Variants in TRIM37 observed in about 807,000 individuals in gnomAD.
TRIM37 encodes E3 ubiquitin-protein ligase TRIM37.
A neutral mutation model predicts 129.8 loss-of-function variants in TRIM37; 80 were observed. That is an observed-to-expected ratio of 0.62 (90% CI 0.51 to 0.74). TRIM37 has a LOEUF of 0.74. TRIM37 is among the 30% of genes least tolerant of loss of function. The pLI, the probability that TRIM37 is intolerant of heterozygous loss-of-function variation, is 0.00. For synonymous variants in TRIM37, 389 were observed against 387.1 expected (o/e 1.00, Z -0.06); for missense variants, 1,054 against 1,176.5 (o/e 0.90, Z 1.52).
intron 22 of TRIM37, 132 bp downstream of exon 22, chr17:59,012,196 C>A: frequency 1.9e-6 from 1 of 515,556 alleles, no homozygotes; most frequent in Non-Finnish European, 3.3e-6. Context: ...CCAACCACTC[C>A]CTATCCCTAT....
chr17:59,012,516 C>G, intron 21 of TRIM37, 70 bp from the exon 22 acceptor site: 3 of 1,096,756 alleles, frequency 2.7e-6, no homozygotes, highest in Non-Finnish European at 2.8e-6. Context: ...TCTTTTTGAA[C>G]TGAGCACCAA....
chr17:59,036,860 C>T (rs1273358779), intron 17 of TRIM37, among the ~76,000 whole-genome samples: 1 of 152,022 alleles, frequency 6.6e-6, no homozygotes, highest in African/African-American at 2.4e-5. Context: ...CATCTGTAAT[C>T]CCAGCACTTT....
downstream of TRIM37, among the ~76,000 whole-genome samples, chr17:58,979,399 A>C (rs527941214): frequency 6.6e-6 from 1 of 152,312 alleles, no homozygotes; most frequent in African/African-American, 2.4e-5. Context: ...CTCCTGGCTT[A>C]AGGGAGTTAG....
At chr17:59,029,438 C>G (rs2037594666) in intron 18 of TRIM37, among the ~76,000 whole-genome samples, 1 of 152,156 alleles carries the variant, frequency 6.6e-6, no homozygotes. Context: ...ATGGACCCAA[C>G]ATGACTCTAG....
chr17:59,099,358 T>C (rs1568257119), intron 2 of TRIM37, among the ~76,000 whole-genome samples: 1 of 152,124 alleles, frequency 6.6e-6, no homozygotes, highest in Non-Finnish European at 1.5e-5. Context: ...ATTTTTAATA[T>C]ACCTTTTCTA....
chr17:59,018,337 A>G (rs2036195773), intron 19 of TRIM37, among the ~76,000 whole-genome samples: 1 of 152,180 alleles, frequency 6.6e-6, no homozygotes, highest in Admixed American at 6.5e-5. Context: ...ACATTTTAAA[A>G]AAAGAATAAA....
chr17:59,077,635 C>A (rs1036963144), intron 7 of TRIM37, among the ~76,000 whole-genome samples: 4 of 151,530 alleles, frequency 2.6e-5, no homozygotes, highest in South Asian at 2.1e-4. Flanking sequence ...TATGGTAAAA[C>A]CCTGTCTCTA....
At chr17:58,994,819 G>A (rs941947152), downstream of TRIM37, among the ~76,000 whole-genome samples, 3 of 150,960 alleles carry the variant, frequency 2.0e-5, no homozygotes, top group Non-Finnish European at 2.9e-5. Flanking sequence ...GCACGATCTC[G>A]GCTCACTGCA....
At chr17:58,993,172 T>A (rs1049274742) in intron 24 of TRIM37, among the ~76,000 whole-genome samples, 1 of 152,192 alleles carries the variant, frequency 6.6e-6, no homozygotes, top group Non-Finnish European at 1.5e-5. Flanking sequence ...CCACATGAGA[T>A]GTGCCTTTTA....
At chr17:59,086,507 G>C (rs1437548247) in intron 4 of TRIM37, among the ~76,000 whole-genome samples, 1 of 152,060 alleles carries the variant, frequency 6.6e-6, no homozygotes. Flanking sequence ...CCAAAGTGCT[G>C]GGATTACAAG....
downstream of TRIM37, among the ~76,000 whole-genome samples, chr17:58,993,637 G>C (rs1486807009): frequency 6.6e-6 from 1 of 152,198 alleles, no homozygotes. Flanking sequence ...GTGGGGAAGG[G>C]GGGTGGTTAC....
chr17:59,042,442 AAAAAAAAATATATAT>A (rs1361482638), intron 16 of TRIM37, among the ~76,000 whole-genome samples: 551 of 47,314 alleles, frequency 0.012, 17 homozygotes, highest in Admixed American at 0.087. Context: ...AAAAAAAAAA[AAAAAAAAATATATAT>A]ATATATATAT....
chr17:59,077,045 C>A (rs894481140), intron 7 of TRIM37, among the ~76,000 whole-genome samples: 7 of 152,136 alleles, frequency 4.6e-5, no homozygotes, highest in African/African-American at 1.7e-4. Flanking sequence ...GCCTCGGCCT[C>A]CCAAAGTGCT....
chr17:59,066,878 G>A (rs1010745317), intron 9 of TRIM37, among the ~76,000 whole-genome samples: 1 of 152,058 alleles, frequency 6.6e-6, no homozygotes, highest in Non-Finnish European at 1.5e-5. Context: ...TATGCTTAAT[G>A]CTAGCACTTA....
intron 2 of TRIM37, among the ~76,000 whole-genome samples, chr17:59,093,511 T>C (rs2044582821): frequency 6.6e-6 from 1 of 152,230 alleles, no homozygotes; most frequent in African/African-American, 2.4e-5. Flanking sequence ...CCTGACACTC[T>C]GCAGACTATT....
At chr17:59,064,281 C>G (rs2041746854) in intron 10 of TRIM37, 74 bp downstream of exon 10, 1 of 1,171,116 alleles carries the variant, frequency 8.5e-7, no homozygotes, top group Middle Eastern at 2.0e-4. Flanking sequence ...AGATTACTGT[C>G]TTACCAAAGA....
chr17:59,091,349 G>T lies in TRIM37; in HGVS notation c.124-9C>A. ...TGCTCTGTCAGCCAGCGCTAAGGGG[G>T]CAAAAGATTAGATATCGATTAGAAA... On this transcript the variant is annotated splice_polypyrimidine_tract_variant and intron_variant, in intron 2 of 23. Transcript: ENST00000262294. 6.5e-7 allele frequency: 1 copy of T among 1,529,554 alleles called. No homozygotes were observed. The highest frequency in any genetic ancestry group is 8.8e-7 in the Non-Finnish European group (1 of 1,132,132). 94.7% of individuals were successfully genotyped at this position (1,529,554 alleles called of 1,614,324 possible). A position where few individuals can be genotyped will look rare whatever the true frequency, so the allele number is the denominator to read the frequency against.
At chr17:59,079,462 G>A (rs1359343316) in intron 7 of TRIM37, among the ~76,000 whole-genome samples, 1 of 152,140 alleles carries the variant, frequency 6.6e-6, no homozygotes, top group Non-Finnish European at 1.5e-5. Flanking sequence ...TTAGTAGAAG[G>A]AATTCTGTTA....
chr17:59,022,475 G>C (rs186607512), intron 19 of TRIM37, among the ~76,000 whole-genome samples: 1 of 152,206 alleles, frequency 6.6e-6, no homozygotes, highest in Non-Finnish European at 1.5e-5. Flanking sequence ...TTGGTATTAG[G>C]GTGAAGGGCA....
Sources: allele counts gnomAD v4.1 joint callset (sites outside exome capture counted in the v4.1 genomes callset), GRCh38; gene constraint gnomAD v4.1.1; transcripts MANE v1.5; gene names NCBI Gene and HGNC (gene_info 2026-07-23, HGNC 2026-07-21).